The following SLC7A11 variants were observed in gnomAD, a reference collection of about 807,000 sequenced individuals.
SLC7A11 encodes the protein solute carrier family 7 member 11.
SLC7A11 carries 35 observed loss-of-function variants against 54.5 expected under a neutral mutation model. The ratio of observed to expected loss-of-function variants is 0.64; its 90% CI spans 0.49 to 0.85. The LOEUF (loss-of-function observed/expected upper bound fraction) is 0.85, where lower values mean the gene tolerates loss of function less well. Ranked by LOEUF, SLC7A11 falls within the 40% of genes least tolerant of loss-of-function variation. The probability of loss-of-function intolerance (pLI) is 0.00; values close to 1 mark genes in which losing one functional copy is unlikely to be tolerated. For synonymous variants in SLC7A11, 230 were observed against 225.2 expected (o/e 1.02, Z -0.19); for missense variants, 583 against 618.1 (o/e 0.94, Z 0.60).
chr4:138,223,557 A>G (rs1737869199), intron 3 of SLC7A11, among the ~76,000 whole-genome samples: 1 of 152,184 alleles, frequency 6.6e-6, no homozygotes, highest in South Asian at 2.1e-4. Flanking sequence ...ACATGGATAA[A>G]GCCTCTGGAC....
intron 7 of SLC7A11, among the ~76,000 whole-genome samples, chr4:138,184,604 C>T (rs1055370147): frequency 1.3e-5 from 2 of 152,062 alleles, no homozygotes; most frequent in Non-Finnish European, 2.9e-5. Context: ...ATCGGTTTAA[C>T]TTTGAATAAC....
chr4:138,208,507 A>C (rs534634028), intron 6 of SLC7A11, among the ~76,000 whole-genome samples: 2 of 148,500 alleles, frequency 1.3e-5, no homozygotes, highest in South Asian at 4.4e-4. Flanking sequence ...AACTTTTTGA[A>C]CAATGACAGA....
rs1737751801 is a variant in SLC7A11 at position 138,219,325 on chromosome 4, A to G, written c.687T>C (p.Asp229=). ...CCAGTGGCAACCGCGTAATACTTGA[A>G]TCTCTTCCTGAAAAGGCGTCTTTAA... The part of the protein sequence containing the change: ...QNFKDAFSGR[D]SSITRLPLAF... The change falls in exon 5 of 12, where the codon GAT becomes GAC. Residue 229 remains aspartate, a synonymous_variant. Transcript: ENST00000280612. 6.2e-7 allele frequency: 1 copy of G among 1,611,330 alleles called. No individual in the cohort carries two copies. The highest frequency in any genetic ancestry group is 1.1e-5 in the South Asian group (1 of 90,936).
intron 7 of SLC7A11, among the ~76,000 whole-genome samples, 155 bp from the exon 8 acceptor site, chr4:138,183,460 G>A (rs1736797397): frequency 6.6e-6 from 1 of 152,084 alleles, no homozygotes; most frequent in Non-Finnish European, 1.5e-5. Context: ...GACTAACTCC[G>A]TAGACAATAA....
At chr4:138,240,862 C>T (rs1388406277) in intron 1 of SLC7A11, among the ~76,000 whole-genome samples, 1 of 152,150 alleles carries the variant, frequency 6.6e-6, no homozygotes, top group Non-Finnish European at 1.5e-5. Flanking sequence ...ATCTTTACAA[C>T]AAACTCAGGT....
At chr4:138,196,084 C>T (rs190124027) in intron 6 of SLC7A11, among the ~76,000 whole-genome samples, 1 of 152,214 alleles carries the variant, frequency 6.6e-6, no homozygotes, top group East Asian at 1.9e-4. Context: ...GTTTATTCCA[C>T]CAAATCCTCA....
At chr4:138,236,210 A>C in intron 2 of SLC7A11, 115 bp downstream of exon 2, 1 of 792,066 alleles carries the variant, frequency 1.3e-6, no homozygotes, top group Non-Finnish European at 2.0e-6. Flanking sequence ...TGAGGTAGAC[A>C]TGTTTATCAT....
At chr4:138,222,293 G>T (rs12507560) in intron 4 of SLC7A11, among the ~76,000 whole-genome samples, 50,805 of 152,042 alleles carry the variant, frequency 0.33, 9,205 homozygotes, top group East Asian at 0.47. Flanking sequence ...TTTACCAAAC[G>T]CTGGCATTTC....
chr4:138,219,941 C>CTTTTTTTTTTTTTTTTTT (rs5862370), intron 4 of SLC7A11, among the ~76,000 whole-genome samples: 1 of 143,524 alleles, frequency 7.0e-6, no homozygotes, highest in Non-Finnish European at 1.5e-5. Flanking sequence ...GCAAGCCTTT[C>CTTTTTTTTTTTTTTTTTT]TTTTTTTATT....
intron 6 of SLC7A11, among the ~76,000 whole-genome samples, chr4:138,194,694 T>G (rs182473368): frequency 1.3e-5 from 2 of 152,208 alleles, no homozygotes; most frequent in South Asian, 2.1e-4. Flanking sequence ...GATATTTGTA[T>G]TCACTTGATT....
In SLC7A11 at chr4:138,167,027, TAAGGA is replaced by T. The variant is rs752011678; in HGVS notation, c.*4924_*4928del. The stretch of plus-strand genomic sequence containing the variant: ...TTAGACACCAACTAATTGGAAAATA[TAAGGA>T]AAGAAATAATTATCTCCCAAAATTG... On this transcript the variant is annotated 3_prime_UTR_variant, in exon 12 of 12. Coordinates refer to ENST00000280612, the MANE Select transcript of SLC7A11 (RefSeq NM_014331.4). The T allele has an allele frequency of 2.0e-5, 3 of 150,488 alleles. No individual in the cohort carries two copies. The highest frequency in any genetic ancestry group is 3.0e-5 in the Non-Finnish European group (2 of 67,766). The allele number at this position is 150,488 out of a possible 1,614,324, so 9.3% of individuals were successfully genotyped here. A position where few individuals can be genotyped will look rare whatever the true frequency, so the allele number is the denominator to read the frequency against.
intron 6 of SLC7A11, among the ~76,000 whole-genome samples, chr4:138,210,265 A>G (rs780359582): frequency 6.6e-6 from 1 of 152,058 alleles, no homozygotes; most frequent in Non-Finnish European, 1.5e-5. Context: ...AAATATTTCA[A>G]TGTAAAACCT....
Position 138,200,058 on chromosome 4 carries a change from C to T in SLC7A11, c.791+14527G>A, listed in dbSNP as rs371591402. ...ACCTCCACTTGCTGTCTATCTCCCT[C>T]GTTTCTTTTTGTCATTTTCTGGCTG... On this transcript the variant is annotated intron_variant, in intron 6 of 11. Transcript: ENST00000280612. Among the ~76,000 whole-genome samples, 10 of 152,218 alleles carry T rather than the reference C, an allele frequency of 6.6e-5. No individual in the cohort carries two copies. In the East Asian group the frequency reaches 1.9e-3, roughly 29 times the overall value.
chr4:138,203,958 T>C (rs1737347905), intron 6 of SLC7A11, among the ~76,000 whole-genome samples: 1 of 152,076 alleles, frequency 6.6e-6, no homozygotes, highest in Non-Finnish European at 1.5e-5. Flanking sequence ...CACAATCCTT[T>C]CCTTTAGTCA....
At chr4:138,183,175 T>C (rs1453641686) in intron 8 of SLC7A11, 27 bp downstream of exon 8, 2 of 1,495,424 alleles carry the variant, frequency 1.3e-6, no homozygotes, top group Non-Finnish European at 1.9e-6. Flanking sequence ...CAGAAATGTG[T>C]TTCTGGAAAT....
At position 138,232,249 on chromosome 4, in the gene SLC7A11, T is replaced by C. The variant is rs377687112; in HGVS notation, c.520+18A>G. 193 of 1,449,702 alleles carry C rather than the reference T, an allele frequency of 1.3e-4. No individual in the cohort carries two copies. Among genetic ancestry groups the C allele is most frequent in the Non-Finnish European group, 1.4e-4 (141 of 1,030,258 alleles). The allele number at this position is 1,449,702 out of a possible 1,614,324, so 89.8% of individuals were successfully genotyped here. A position where few individuals can be genotyped will look rare whatever the true frequency, so the allele number is the denominator to read the frequency against. The stretch of plus-strand genomic sequence containing the variant: ...TGTGTTGTTTTTCCTTTTTCACATA[T>C]ATAGCTATAATACTCACTTATGCCC... On this transcript the variant is annotated intron_variant, in intron 3 of 11. Coordinates refer to ENST00000280612, the MANE Select transcript of SLC7A11 (RefSeq NM_014331.4).
At chr4:138,193,969 T>C (rs1349518392) in intron 6 of SLC7A11, among the ~76,000 whole-genome samples, 2 of 152,136 alleles carry the variant, frequency 1.3e-5, no homozygotes, top group African/African-American at 2.4e-5. Flanking sequence ...TTTTAGCAAA[T>C]GAAGCTAATG....
intron 6 of SLC7A11, among the ~76,000 whole-genome samples, chr4:138,197,084 T>C (rs1737155737): frequency 6.6e-6 from 1 of 152,240 alleles, no homozygotes; most frequent in South Asian, 2.1e-4. Context: ...AAAAGGTATC[T>C]TATTATTTCT....
chr4:138,218,096 A>T lies in SLC7A11; in HGVS notation c.746+1170T>A, dbSNP rs761443397. On this transcript the variant is annotated intron_variant, in intron 5 of 11. Transcript: ENST00000280612. ...AAGATTTTAAGTTCCCATACCCCCT[A>T]ATTATCCTCTAATACCATATTTTCA... Among the ~76,000 whole-genome samples, 385 of 152,258 alleles carry T rather than the reference A, an allele frequency of 2.5e-3. 3 individuals carry two copies. Among genetic ancestry groups the T allele is most frequent in the Non-Finnish European group, 5.3e-4 (36 of 68,012 alleles).
Sources: gnomAD v4.1 joint callset for allele counts (sites outside exome capture counted in the v4.1 genomes callset) on GRCh38, gnomAD v4.1.1 for gene constraint, MANE v1.5 for transcripts, NCBI Gene and HGNC (gene_info 2026-07-23, HGNC 2026-07-21) for gene names.